Variants in ADAMTSL1 observed in about 807,000 individuals in gnomAD.
ADAMTSL1 encodes the protein ADAMTS-like protein 1.
In ADAMTSL1, 126 loss-of-function variants were observed where a neutral mutation model predicts 201.8. The observed-to-expected ratio is 0.62, with a 90% CI of 0.54 to 0.72. The LOEUF (loss-of-function observed/expected upper bound fraction) is 0.72. Among genes scored for constraint, ADAMTSL1 ranks in the 30% least tolerant of loss-of-function variants. The pLI is 0.00. For synonymous variants in ADAMTSL1, 1,121 were observed against 903.4 expected (o/e 1.24, Z -4.32); for missense variants, 2,679 against 2,277.8 (o/e 1.18, Z -3.59).
At chr9:18,312,538 A>T (rs1834196175) in intron 2 of ADAMTSL1, among the ~76,000 whole-genome samples, 1 of 152,174 alleles carries the variant, frequency 6.6e-6, no homozygotes, top group Non-Finnish European at 1.5e-5. Flanking sequence ...CTGTGCACAT[A>T]ACTTCACCTG....
intron 13 of ADAMTSL1, among the ~76,000 whole-genome samples, chr9:18,688,689 A>AAAAAAAT (rs1554730404): frequency 4.6e-4 from 4 of 8,648 alleles, no homozygotes; most frequent in Admixed American, 2.3e-3. Flanking sequence ...AAAAAAAAAA[A>AAAAAAAT]ATATATATAT....
Position 18,488,168 on chromosome 9 carries a change from G to A in ADAMTSL1, c.63+13873G>A, listed in dbSNP as rs146598866. On this transcript the variant is annotated intron_variant, in intron 1 of 28. Coordinates refer to ENST00000380548, the MANE Select transcript of ADAMTSL1 (RefSeq NM_001040272.6). ...CTATCATCTGATGTGGATTATTCCCGCCTTTATTTACTGATCTCCCCAATC... is the reference window on the plus strand; with the variant it reads ...CTATCATCTGATGTGGATTATTCCCACCTTTATTTACTGATCTCCCCAATC... Among the ~76,000 whole-genome samples, 207 of 152,140 alleles carry A rather than the reference G, an allele frequency of 1.4e-3. 3 individuals are homozygous for A. Among genetic ancestry groups the A allele is most frequent in the Admixed American group, 0.012 (180 of 15,260 alleles).
intron 23 of ADAMTSL1, among the ~76,000 whole-genome samples, chr9:18,847,402 A>G (rs1826193869): frequency 6.6e-6 from 1 of 152,188 alleles, no homozygotes; most frequent in African/African-American, 2.4e-5. Context: ...AAAACAGACA[A>G]AAGTCCCTCC....
Position 18,753,249 on chromosome 9 carries a change from C to G in ADAMTSL1, c.2007-49C>G, listed in dbSNP as rs759570589. On this transcript the variant is annotated intron_variant, in intron 15 of 28. Coordinates refer to ENST00000380548, the MANE Select transcript of ADAMTSL1 (RefSeq NM_001040272.6). ...CATTTGAGTTCATGGGAAACATTCTCTGCACAGGTACTAAGGGTGTGTCCT... is the reference window on the plus strand; with the variant it reads ...CATTTGAGTTCATGGGAAACATTCTGTGCACAGGTACTAAGGGTGTGTCCT... 9 of 1,540,870 alleles carry G rather than the reference C, an allele frequency of 5.8e-6. No homozygotes were observed. The East Asian group carries it at 1.9e-4, about 32-fold the overall frequency.
At chr9:18,160,933 G>A (rs995189904) in intron 1 of ADAMTSL1, among the ~76,000 whole-genome samples, 134 of 146,920 alleles carry the variant, frequency 9.1e-4, no homozygotes, top group African/African-American at 3.2e-3. Context: ...AGCATTCCTC[G>A]TGCCTCAGCC....
intron 1 of ADAMTSL1, among the ~76,000 whole-genome samples, chr9:18,018,452 G>A (rs62553120): frequency 0.039 from 5,927 of 152,078 alleles, 221 homozygotes; most frequent in African/African-American, 0.089. Context: ...CCCTCTAATA[G>A]ACTATGGCAT....
At chr9:18,845,476 G>A (rs982147149) in intron 23 of ADAMTSL1, among the ~76,000 whole-genome samples, 2 of 152,236 alleles carry the variant, frequency 1.3e-5, no homozygotes, top group Admixed American at 6.5e-5. Flanking sequence ...ATGCTCACCA[G>A]GGCCACAGGC....
chr9:18,617,967 A>G (rs1341735033), intron 4 of ADAMTSL1, among the ~76,000 whole-genome samples: 1 of 152,200 alleles, frequency 6.6e-6, no homozygotes, highest in Non-Finnish European at 1.5e-5. Flanking sequence ...AAAAAATTTC[A>G]TGCAGTTGCC....
intron 5 of ADAMTSL1, among the ~76,000 whole-genome samples, chr9:18,624,065 G>C (rs1826203368): frequency 6.6e-6 from 1 of 152,192 alleles, no homozygotes; most frequent in Non-Finnish European, 1.5e-5. Context: ...GAGGTAAAAA[G>C]AGGAGGCAGA....
intron 14 of ADAMTSL1, among the ~76,000 whole-genome samples, chr9:18,710,387 A>G (rs752732861): frequency 3.9e-5 from 6 of 152,328 alleles, no homozygotes; most frequent in Middle Eastern, 3.4e-3. Flanking sequence ...GGATGAGGCA[A>G]GTGGTCCCTG....
chr9:18,208,533 A>G (rs768230656), intron 2 of ADAMTSL1, among the ~76,000 whole-genome samples: 2 of 152,134 alleles, frequency 1.3e-5, no homozygotes, highest in Non-Finnish European at 2.9e-5. Flanking sequence ...GAAGAAATTG[A>G]TTTTACTTGG....
At chr9:18,419,225 G>A (rs1818829105) in intron 2 of ADAMTSL1, among the ~76,000 whole-genome samples, 1 of 152,126 alleles carries the variant, frequency 6.6e-6, no homozygotes, top group South Asian at 2.1e-4. Flanking sequence ...TAAGTTCAAA[G>A]TGTAAAACTA....
At chr9:18,755,516 G>A (rs1017938546) in intron 16 of ADAMTSL1, among the ~76,000 whole-genome samples, 2 of 152,120 alleles carry the variant, frequency 1.3e-5, no homozygotes, top group African/African-American at 2.4e-5. Flanking sequence ...TCCTAGTCTT[G>A]AAATGCAGTG....
At chr9:18,720,751 C>T (rs1249142395) in intron 14 of ADAMTSL1, among the ~76,000 whole-genome samples, 5 of 152,100 alleles carry the variant, frequency 3.3e-5, no homozygotes, top group Admixed American at 2.0e-4. Flanking sequence ...CCACTACACT[C>T]CAGCCTGGGC....
rs149097625 is a variant in ADAMTSL1 at position 18,496,850 on chromosome 9, T to C, written c.64-7979T>C. ...TGCTGCAGAAAGTATCTATGGCTGATTGGAGTCACAGTTTGGACGGACCTC... is the reference window on the plus strand; with the variant it reads ...TGCTGCAGAAAGTATCTATGGCTGACTGGAGTCACAGTTTGGACGGACCTC... On this transcript the variant is annotated intron_variant, in intron 1 of 28. Transcript: ENST00000380548. 1.4e-3 allele frequency among the ~76,000 whole-genome samples: 216 copies of C among 152,334 alleles called. No individual in the cohort carries two copies. In the East Asian group the frequency reaches 0.021, roughly 15 times the overall value.
chr9:17,930,978 C>G (rs1053903942), intron 1 of ADAMTSL1, among the ~76,000 whole-genome samples: 1 of 152,142 alleles, frequency 6.6e-6, no homozygotes, highest in Non-Finnish European at 1.5e-5. Context: ...GGCCTTTCAA[C>G]CAATGTGCTA....
At chr9:18,547,196 G>A (rs7848360) in intron 3 of ADAMTSL1, among the ~76,000 whole-genome samples, 3,746 of 152,192 alleles carry the variant, frequency 0.025, 168 homozygotes, top group African/African-American at 0.086. Context: ...AAATTGGAGG[G>A]AGGAAGAGAA....
chr9:18,877,166 T>G (rs529055615), intron 23 of ADAMTSL1, among the ~76,000 whole-genome samples: 174 of 152,350 alleles, frequency 1.1e-3, no homozygotes, highest in African/African-American at 3.9e-3. Context: ...TTTTGATTTC[T>G]CTAAGCTGGT....
chr9:18,486,697 C>A (rs1313864614), intron 1 of ADAMTSL1, among the ~76,000 whole-genome samples: 1 of 152,038 alleles, frequency 6.6e-6, no homozygotes, highest in African/African-American at 2.4e-5. Flanking sequence ...CAAAGTGAGA[C>A]CTTGTCTCAA....
Sources: gnomAD v4.1 joint callset for allele counts (sites outside exome capture counted in the v4.1 genomes callset) on GRCh38, gnomAD v4.1.1 for gene constraint, MANE v1.5 for transcripts, NCBI Gene and HGNC (gene_info 2026-07-23, HGNC 2026-07-21) for gene names.